Variants in SLC45A1 observed in about 807,000 individuals in gnomAD.
SLC45A1 encodes the protein proton-associated sugar transporter A.
SLC45A1 carries 28 observed loss-of-function variants against 57.6 expected under a neutral mutation model. The observed-to-expected ratio is 0.49, with a 90% CI of 0.36 to 0.67. SLC45A1 has a LOEUF of 0.67. Ranked by LOEUF, SLC45A1 falls within the 30% of genes least tolerant of loss-of-function variation. The pLI, the probability that SLC45A1 is intolerant of heterozygous loss-of-function variation, is 0.00. For missense variants in SLC45A1, 814 were observed against 1,041.5 expected (o/e 0.78, Z 3.01); for synonymous variants, 459 against 471.5 (o/e 0.97, Z 0.34).
chr1:8,341,466 C>T lies in SLC45A1; in HGVS notation c.1980+1768C>T, dbSNP rs540796433. On this transcript the variant is annotated intron_variant, in intron 8 of 8. Transcript: ENST00000471889. ...AGGAGAATGGCGTGAATCTGGGAGG[C>T]GGAGCTTGCAGTGAGCCAAGATCGC... Among the ~76,000 whole-genome samples the T allele has an allele frequency of 1.8e-4, 26 of 146,424 alleles. No homozygotes were observed. In the East Asian group the frequency reaches 3.6e-3, roughly 20 times the overall value.
At chr1:8,339,403 T>G in intron 7 of SLC45A1, 90 bp from the exon 8 acceptor site, 1 of 1,322,118 alleles carries the variant, frequency 7.6e-7, no homozygotes, top group Non-Finnish European at 1.1e-6. Context: ...CACTGCTAGC[T>G]TCAGGTCAGC....
intron 5 of SLC45A1, among the ~76,000 whole-genome samples, chr1:8,334,804 C>T (rs781482976): frequency 7.2e-5 from 11 of 152,194 alleles, no homozygotes; most frequent in Non-Finnish European, 1.3e-4. Context: ...CTTCTCGTTC[C>T]AGGAGGAGTT....
chr1:8,337,653 T>G (rs571628296), intron 6 of SLC45A1, among the ~76,000 whole-genome samples, 163 bp from the exon 7 acceptor site: 70 of 152,238 alleles, frequency 4.6e-4, no homozygotes, highest in South Asian at 2.7e-3. Context: ...TTCCTGACCC[T>G]GTGATCCGCC....
In SLC45A1 at chr1:8,328,979, A is replaced by T. The variant is rs904549015; in HGVS notation, c.716-1230A>T. On this transcript the variant is annotated intron_variant, in intron 4 of 8. Coordinates refer to ENST00000471889, the MANE Select transcript of SLC45A1 (RefSeq NM_001080397.3). This position sits in a 1 kb window ranked among gnomAD's most constrained non-coding sequence, Gnocchi z 4.6. ...AGTGTGGGAAGTCAAGAATAATAAA[A>T]TGCCTGGGAGGGCAGTGGGGAGGCA... Among the ~76,000 whole-genome samples, 4 of 152,196 alleles carry T rather than the reference A, an allele frequency of 2.6e-5. No individual in the cohort carries two copies. The highest frequency in any genetic ancestry group is 7.2e-5 in the African/African-American group (3 of 41,458).
In SLC45A1 at chr1:8,330,304, C is replaced by T. The variant is rs1232165302; in HGVS notation, c.811C>T (p.Leu271Phe). The part of the protein sequence containing the change: ...ALGGQLRVIY[L>F]FTAVTLSVTT... ...GGGGGGACAGCTCCGAGTCATTTAC[C>T]TCTTCACTGCGGTCACCCTGAGCGT... Residue 271 changes from leucine (L) to phenylalanine (F), a missense_variant, in exon 5 of 9, where the codon CTC (leucine) becomes TTC (phenylalanine). Coordinates refer to ENST00000471889, the MANE Select transcript of SLC45A1 (RefSeq NM_001080397.3). The surrounding 1 kb of genome is among the most constrained non-coding windows in gnomAD (Gnocchi z 8.4). 6.2e-7 allele frequency: 1 copy of T among 1,613,672 alleles called. No individual in the cohort carries two copies. Among genetic ancestry groups the T allele is most frequent in the Admixed American group, 1.7e-5 (1 of 59,990 alleles).
chr1:8,333,766 C>A lies in SLC45A1; in HGVS notation c.1444-1671C>A, dbSNP rs992579061. On this transcript the variant is annotated intron_variant, in intron 5 of 8. Transcript: ENST00000471889. ...CCTCCTTGGAGTGAGCAGGATGGGG[C>A]CTTTCGTTTGCTTTTCTCTGGTGTG... 2.6e-5 allele frequency among the ~76,000 whole-genome samples: 4 copies of A among 152,330 alleles called. No individual in the cohort carries two copies. The East Asian group carries it at 7.7e-4, about 29-fold the overall frequency.
At chr1:8,319,652 T>C (rs1557555919) in intron 1 of SLC45A1, among the ~76,000 whole-genome samples, 1 of 152,166 alleles carries the variant, frequency 6.6e-6, no homozygotes, top group African/African-American at 2.4e-5. Flanking sequence ...GAAAATTAGA[T>C]TTTATGATCT....
chr1:8,328,523 T>A lies in SLC45A1; in HGVS notation c.716-1686T>A, dbSNP rs1389710172. Among the ~76,000 whole-genome samples, 1 of 152,116 alleles carries A rather than the reference T, an allele frequency of 6.6e-6. No homozygotes were observed. The highest frequency in any genetic ancestry group is 1.5e-5 in the Non-Finnish European group (1 of 68,016). ...CGTCTATGAGAATGCACCACTTTGA[T>A]CATTCAAGAAAATTAGCTAGTAAAG... On this transcript the variant is annotated intron_variant, in intron 4 of 8. Coordinates refer to ENST00000471889, the MANE Select transcript of SLC45A1 (RefSeq NM_001080397.3). The surrounding 1 kb of genome is among the most constrained non-coding windows in gnomAD (Gnocchi z 4.6).
At position 8,326,033 on chromosome 1, in the gene SLC45A1, C is replaced by T. The variant is rs767340154; in HGVS notation, c.706C>T (p.Leu236Phe). ...GGACCGAGGCCTGAACATCCACGCCCTCCTGGCAGGTGAGTCTCCGCAGCA... is the reference window on the plus strand; with the variant it reads ...GGACCGAGGCCTGAACATCCACGCCTTCCTGGCAGGTGAGTCTCCGCAGCA... ...DQDRGLNIHA[L>F]LAGLGGGFGY... is the part of the protein sequence containing the mutation. The change falls in exon 4 of 9, where the codon CTC becomes TTC. Residue 236 changes from leucine to phenylalanine, a missense_variant. Leu to Phe is a conservative substitution (Grantham distance 22, BLOSUM62 0). Coordinates refer to ENST00000471889, the MANE Select transcript of SLC45A1 (RefSeq NM_001080397.3). The surrounding 1 kb of genome is among the most constrained non-coding windows in gnomAD (Gnocchi z 5.5). 1.9e-6 allele frequency: 3 copies of T among 1,602,440 alleles called. No homozygotes were observed. The highest frequency in any genetic ancestry group is 1.7e-5 in the Admixed American group (1 of 60,022).
rs550456588 is a variant in SLC45A1, at chr1:8,343,317, C to T, written c.1981-430C>T. On this transcript the variant is annotated intron_variant, in intron 8 of 8. Coordinates refer to ENST00000471889, the MANE Select transcript of SLC45A1 (RefSeq NM_001080397.3). The surrounding 1 kb of genome is among the most constrained non-coding windows in gnomAD (Gnocchi z 7.7). ...GGAGGCCACGAGGACCTTGGAGCCT[C>T]GGACAGAGGACCAGCGGCTGTCATG... Among the ~76,000 whole-genome samples, 101 of 152,304 alleles carry T rather than the reference C, an allele frequency of 6.6e-4. No homozygotes were observed. The highest frequency in any genetic ancestry group is 2.2e-3 in the African/African-American group (93 of 41,564).
intron 5 of SLC45A1, 118 bp downstream of exon 5, chr1:8,331,054 G>A (rs1020836618): frequency 3.9e-6 from 5 of 1,298,506 alleles, no homozygotes; most frequent in Non-Finnish European, 5.2e-6. Flanking sequence ...TGTTATGGGG[G>A]TGTTATCAAG....
Position 8,343,622 on chromosome 1 carries a change from C to G in SLC45A1, c.1981-125C>G. Reference sequence around the variant, plus strand: ...GCTGAACTCCCTGTGCATGTTGGCGCTGAAAAATGTGAGGCCGCTGTGTGT... The same window carrying G: ...GCTGAACTCCCTGTGCATGTTGGCGGTGAAAAATGTGAGGCCGCTGTGTGT... On this transcript the variant is annotated intron_variant, in intron 8 of 8. Coordinates refer to ENST00000471889, the MANE Select transcript of SLC45A1 (RefSeq NM_001080397.3). This position sits in a 1 kb window ranked among gnomAD's most constrained non-coding sequence, Gnocchi z 7.7. 1 of 1,011,964 alleles carries G rather than the reference C, an allele frequency of 9.9e-7. No individual in the cohort carries two copies. The highest frequency in any genetic ancestry group is 1.6e-5 in the African/African-American group (1 of 62,524). 62.7% of individuals were successfully genotyped at this position (1,011,964 alleles called of 1,614,324 possible).
rs943181051 is a variant in SLC45A1, at chr1:8,343,687, C to G, written c.1981-60C>G. 1.3e-6 allele frequency: 2 copies of G among 1,555,516 alleles called. No homozygotes were observed. Among genetic ancestry groups the G allele is most frequent in the South Asian group, 1.2e-5 (1 of 83,582 alleles). ...TCCTGGGCTCGCAGGACACACCGAG[C>G]TCGGTCACCCCGTGCTGGCCGCGGC... On this transcript the variant is annotated intron_variant, in intron 8 of 8. Coordinates refer to ENST00000471889, the MANE Select transcript of SLC45A1 (RefSeq NM_001080397.3). The surrounding 1 kb of genome is among the most constrained non-coding windows in gnomAD (Gnocchi z 7.7).
rs191896547 is a variant in SLC45A1 at position 8,327,564 on chromosome 1, C to T, written c.715+1522C>T. On this transcript the variant is annotated intron_variant, in intron 4 of 8. Transcript: ENST00000471889. The surrounding 1 kb of genome is among the most constrained non-coding windows in gnomAD (Gnocchi z 4.3). ...TGGCTCAGGCCTACTCTCAACACTT[C>T]GGGAGGCTAAGCCAGGAGGATTGCT... Among the ~76,000 whole-genome samples, 9 of 152,108 alleles carry T rather than the reference C, an allele frequency of 5.9e-5. No individual in the cohort carries two copies. The highest frequency in any genetic ancestry group is 1.3e-4 in the Admixed American group (2 of 15,266).
chr1:8,331,796 C>CTTT (rs35070407), intron 5 of SLC45A1, among the ~76,000 whole-genome samples: 6 of 143,496 alleles, frequency 4.2e-5, no homozygotes, highest in South Asian at 2.2e-4. Flanking sequence ...AGTGACAACT[C>CTTT]TTTTTTTTTT....
At chr1:8,320,155 G>A (rs1260694353) in intron 1 of SLC45A1, among the ~76,000 whole-genome samples, 1 of 152,160 alleles carries the variant, frequency 6.6e-6, no homozygotes, top group East Asian at 1.9e-4. Context: ...TCTGAGCCAG[G>A]ATTAAGCTAG....
intron 5 of SLC45A1, among the ~76,000 whole-genome samples, chr1:8,331,642 G>A (rs944236860): frequency 6.6e-6 from 1 of 151,984 alleles, no homozygotes; most frequent in African/African-American, 2.4e-5. Flanking sequence ...CCTTGTCTCA[G>A]AAAAAGAAAA....
chr1:8,323,397 A>C (rs1640092611), intron 1 of SLC45A1, among the ~76,000 whole-genome samples: 1 of 150,806 alleles, frequency 6.6e-6, no homozygotes, highest in Non-Finnish European at 1.5e-5. Context: ...AGGCTGAGGC[A>C]GGAGCGTGGC....
chr1:8,325,420 G>T lies in SLC45A1; in HGVS notation c.490+30G>T. The T allele has an allele frequency of 6.7e-7, 1 of 1,482,000 alleles. No homozygotes were observed. Among genetic ancestry groups the T allele is most frequent in the Admixed American group, 1.9e-5 (1 of 52,536 alleles). The allele number at this position is 1,482,000 out of a possible 1,614,324, so 91.8% of individuals were successfully genotyped here. On this transcript the variant is annotated intron_variant, in intron 3 of 8. Transcript: ENST00000471889. The surrounding 1 kb of genome is among the most constrained non-coding windows in gnomAD (Gnocchi z 6.3). Reference sequence around the variant, plus strand: ...GTTGTTTTGGCATGGAAATAAAATGGAGAGGAAAAAAAAAAGGCCCCAACT... The same window carrying T: ...GTTGTTTTGGCATGGAAATAAAATGTAGAGGAAAAAAAAAAGGCCCCAACT...
Sources: gnomAD v4.1 joint callset for allele counts (sites outside exome capture counted in the v4.1 genomes callset) on GRCh38, gnomAD v4.1.1 for gene constraint, Gnocchi (gnomAD v3.1) non-coding constraint, MANE v1.5 for transcripts, NCBI Gene and HGNC (gene_info 2026-07-23, HGNC 2026-07-21) for gene names.